Variants in PDE6A observed in about 807,000 individuals in gnomAD.
PDE6A encodes phosphodiesterase 6A, also known as rod cGMP-specific 3',5'-cyclic phosphodiesterase subunit alpha.
Under a neutral mutation model 106.3 loss-of-function variants are expected in PDE6A, and 84 were observed. The observed-to-expected ratio is 0.79, with a 90% CI of 0.66 to 0.95. PDE6A has a LOEUF of 0.95. Ranked by LOEUF, PDE6A falls within the 40% of genes least tolerant of loss-of-function variation. PDE6A has a pLI of 0.00. For missense variants in PDE6A, 1,052 were observed against 1,084.9 expected, an observed-to-expected ratio of 0.97 and a Z score of 0.43; for synonymous variants, 394 against 386.6, an observed-to-expected ratio of 1.02 and a Z score of -0.23.
chr5:149,885,966 A>G (rs1486964482), intron 14 of PDE6A, among the ~76,000 whole-genome samples: 1 of 152,182 alleles, frequency 6.6e-6, no homozygotes, highest in Non-Finnish European at 1.5e-5. Context: ...TTGGGACTAC[A>G]TGGGGCCCAC....
At chr5:149,890,935 T>A (rs973874089) in intron 13 of PDE6A, among the ~76,000 whole-genome samples, 1 of 152,230 alleles carries the variant, frequency 6.6e-6, no homozygotes, top group Non-Finnish European at 1.5e-5. Context: ...CCAAGTCAAG[T>A]TACCTATGAT....
chr5:149,881,860 C>A (rs901688950), intron 17 of PDE6A, among the ~76,000 whole-genome samples: 2 of 151,990 alleles, frequency 1.3e-5, no homozygotes, highest in Non-Finnish European at 2.9e-5. Flanking sequence ...TCAAAACCAG[C>A]CTAGGCAACA....
At chr5:149,930,905 T>C (rs1754013719) in intron 4 of PDE6A, 123 bp downstream of exon 4, 1 of 1,024,684 alleles carries the variant, frequency 9.8e-7, no homozygotes. Context: ...TAAGACTTTC[T>C]ACAACCATCC....
chr5:149,880,888 G>T (rs536811343), intron 17 of PDE6A, among the ~76,000 whole-genome samples: 4 of 151,838 alleles, frequency 2.6e-5, no homozygotes, highest in Non-Finnish European at 5.9e-5. Context: ...GTGAAACCCC[G>T]TCTCTACCAA....
At chr5:149,889,977 A>T (rs1752483194) in intron 13 of PDE6A, among the ~76,000 whole-genome samples, 1 of 140,802 alleles carries the variant, frequency 7.1e-6, no homozygotes, top group Non-Finnish European at 1.5e-5. Flanking sequence ...TTTTTTTGAG[A>T]CAGAGTCTTG....
In PDE6A at chr5:149,884,541, A is replaced by G. The variant is rs753303277; in HGVS notation, c.1965T>C (p.His655=). The change falls in exon 16 of 22, where the codon CAT becomes CAC. Residue 655 remains histidine, a synonymous_variant. Coordinates refer to ENST00000255266, the MANE Select transcript of PDE6A (RefSeq NM_000440.3). ...NIFQNLNRRQ[H]EHAIHMMDIA... The stretch of plus-strand genomic sequence containing the variant: ...TGTCCATCATGTGGATGGCATGCTC[A>G]TGCTGTCGACGATTGAGGTTTTGAA... 1.7e-5 allele frequency: 28 copies of G among 1,613,854 alleles called. No homozygotes were observed. The highest frequency in any genetic ancestry group is 3.3e-4 in the Middle Eastern group (2 of 6,084).
chr5:149,895,399 G>T, intron 12 of PDE6A, 109 bp from the exon 13 acceptor site: 1 of 784,736 alleles, frequency 1.3e-6, no homozygotes, highest in Non-Finnish European at 2.3e-6. Context: ...CTCTTTTGAG[G>T]TTTGAGGTAC....
chr5:149,908,919 G>T (rs1463725846), intron 6 of PDE6A, among the ~76,000 whole-genome samples: 1 of 152,084 alleles, frequency 6.6e-6, no homozygotes, highest in Non-Finnish European at 1.5e-5. Context: ...CTGGGTCTGG[G>T]TTGTCTTTGT....
chr5:149,887,134 C>T lies in PDE6A; in HGVS notation c.1729-760G>A, dbSNP rs529786439. 7.2e-5 allele frequency among the ~76,000 whole-genome samples: 11 copies of T among 152,246 alleles called. No homozygotes were observed. The South Asian group carries it at 1.2e-3, about 17-fold the overall frequency. ...CTCCGAACCCTCTCAGTGAAAAATA[C>T]GAACACAAATACACAAAGATAAGTC... On this transcript the variant is annotated intron_variant, in intron 13 of 21. Coordinates refer to ENST00000255266, the MANE Select transcript of PDE6A (RefSeq NM_000440.3).
Position 149,872,361 on chromosome 5 carries a change from G to C in PDE6A, c.2136-4203C>G, listed in dbSNP as rs56258214. ...TATCCTTTTTAAGACTTACTGTGAT[G>C]ATCACATAAGATGCTTTTGTAAATG... is the stretch of plus-strand genomic sequence containing the variant. On this transcript the variant is annotated intron_variant, in intron 17 of 21. Transcript: ENST00000255266. Among the ~76,000 whole-genome samples, 590 of 152,272 alleles carry C rather than the reference G, an allele frequency of 3.9e-3. 4 individuals carry two copies. Among genetic ancestry groups the C allele is most frequent in the African/African-American group, 0.013 (546 of 41,554 alleles).
intron 13 of PDE6A, among the ~76,000 whole-genome samples, chr5:149,889,363 G>T (rs1752454456): frequency 2.0e-5 from 3 of 151,868 alleles, no homozygotes; most frequent in Non-Finnish European, 4.4e-5. Flanking sequence ...TAAGAAAACT[G>T]TTTTCTTTAT....
chr5:149,858,816 C>CTTTTTTTTTTT lies in PDE6A; in HGVS notation c.*2078_*2079insAAAAAAAAAAA, dbSNP rs764134058. 5.9e-4 allele frequency: 47 copies of CTTTTTTTTTTT among 79,148 alleles called. 9 individuals are homozygous for CTTTTTTTTTTT. The highest frequency in any genetic ancestry group is 0.018 in the Middle Eastern group (1 of 56). 4.9% of individuals were successfully genotyped at this position (79,148 alleles called of 1,614,324 possible). A position where few individuals can be genotyped will look rare whatever the true frequency, so the allele number is the denominator to read the frequency against. The stretch of plus-strand genomic sequence containing the variant: ...AAGAGAGAAATTCTATCTGCCACAT[C>CTTTTTTTTTTT]TTTTTTTTTTCTTTTTTTTTTTTTT... On this transcript the variant is annotated 3_prime_UTR_variant, in exon 22 of 22. Coordinates refer to ENST00000255266, the MANE Select transcript of PDE6A (RefSeq NM_000440.3).
In PDE6A at chr5:149,863,130, G is replaced by A. The variant is rs750503504; in HGVS notation, c.2495C>T (p.Ser832Leu). The A allele has an allele frequency of 7.4e-6, 12 of 1,614,186 alleles. 1 individual carries two copies. The highest frequency in any genetic ancestry group is 5.5e-5 in the South Asian group (5 of 91,064). The change falls in exon 21 of 22, where the codon TCG (serine) becomes TTG (leucine). Residue 832 changes from serine (S) to leucine (L), a missense_variant. Coordinates refer to ENST00000255266, the MANE Select transcript of PDE6A (RefSeq NM_000440.3). This position sits in a 1 kb window ranked among gnomAD's most constrained non-coding sequence, Gnocchi z 4.7. ...CCCCTTCCACAAACCTGACTTGGCC[G>A]ACTGCTGTTTCTGCTTCTTCTCCTC... ...VQEEKKQKQQ[S>L]AKSAAAGNQP...
chr5:149,886,539 G>A (rs528388819), intron 13 of PDE6A, among the ~76,000 whole-genome samples, 165 bp from the exon 14 acceptor site: 31 of 152,266 alleles, frequency 2.0e-4, no homozygotes, highest in African/African-American at 7.2e-4. Context: ...CAGGGCTGAG[G>A]GGTTTTTTGG....
intron 17 of PDE6A, among the ~76,000 whole-genome samples, chr5:149,874,439 C>T (rs1445718719): frequency 6.6e-6 from 1 of 152,116 alleles, no homozygotes; most frequent in Non-Finnish European, 1.5e-5. Context: ...TCAGAAACAG[C>T]CAAATGAATG....
Position 149,867,737 on chromosome 5 carries a change from T to C in PDE6A, c.2262A>G (p.Gln754=). ...EQGDLERTVL[Q]QNPIPMMDRN... Reference sequence around the variant, plus strand: ...CCTGTCTACTCACAATGGGATTCTGTTGCAGCACCGTGCGCTCCAGGTCAC... The same window carrying C: ...CCTGTCTACTCACAATGGGATTCTGCTGCAGCACCGTGCGCTCCAGGTCAC... Residue 754 remains glutamine, a synonymous_variant, in exon 19 of 22, where the codon CAA becomes CAG. Transcript: ENST00000255266. The C allele has an allele frequency of 6.2e-7, 1 of 1,613,928 alleles. No individual in the cohort carries two copies. The highest frequency in any genetic ancestry group is 8.5e-7 in the Non-Finnish European group (1 of 1,179,952).
At chr5:149,913,252 T>A (rs926107740) in intron 6 of PDE6A, among the ~76,000 whole-genome samples, 1 of 151,686 alleles carries the variant, frequency 6.6e-6, no homozygotes, top group East Asian at 1.9e-4. Flanking sequence ...TGTGGTGGCG[T>A]GTGCCTGTAA....
intron 8 of PDE6A, 77 bp downstream of exon 8, chr5:149,903,571 G>C: frequency 9.1e-7 from 1 of 1,100,012 alleles, no homozygotes; most frequent in South Asian, 1.2e-5. Context: ...AGAGTGGGTG[G>C]ATTCTAATGT....
chr5:149,914,425 A>T (rs1753488438), intron 6 of PDE6A, among the ~76,000 whole-genome samples: 1 of 152,170 alleles, frequency 6.6e-6, no homozygotes, highest in African/African-American at 2.4e-5. Flanking sequence ...TTAAAATAAA[A>T]ACTATAGGAG....
Sources: allele counts gnomAD v4.1 joint callset (sites outside exome capture counted in the v4.1 genomes callset), GRCh38; gene constraint gnomAD v4.1.1; non-coding constraint Gnocchi (gnomAD v3.1); transcripts MANE v1.5; gene names NCBI Gene and HGNC (gene_info 2026-07-23, HGNC 2026-07-21).